RAB3GAP1: variants seen among roughly 807,000 people sequenced by gnomAD.
RAB3GAP1 encodes rab3 GTPase-activating protein catalytic subunit.
A neutral mutation model predicts 130.7 loss-of-function variants in RAB3GAP1; 86 were observed. The observed-to-expected ratio is 0.66, with a 90% confidence interval of 0.55 to 0.79. RAB3GAP1 has a LOEUF of 0.79. RAB3GAP1 is among the 30% of genes least tolerant of loss of function. RAB3GAP1 has a pLI of 0.00. For missense variants in RAB3GAP1, 1,029 were observed against 1,169.4 expected (o/e 0.88, Z 1.75); for synonymous variants, 367 against 401.7 (o/e 0.91, Z 1.03).
chr2:135,080,096 G>A (rs1178753049), intron 3 of RAB3GAP1, among the ~76,000 whole-genome samples: 2 of 126,050 alleles, frequency 1.6e-5, no homozygotes, highest in Admixed American at 1.0e-4. Flanking sequence ...CCGCCTGGGC[G>A]ACAGAACGAG....
intron 3 of RAB3GAP1, among the ~76,000 whole-genome samples, chr2:135,084,076 C>A (rs575403211): frequency 6.6e-6 from 1 of 152,056 alleles, no homozygotes; most frequent in East Asian, 1.9e-4. Context: ...GAAACCCTGT[C>A]TCTACTAAAA....
intron 3 of RAB3GAP1, among the ~76,000 whole-genome samples, chr2:135,081,361 T>TACATACACAC (rs1689812778): frequency 1.4e-5 from 1 of 71,270 alleles, no homozygotes; most frequent in Non-Finnish European, 2.3e-5. Flanking sequence ...TATATATATA[T>TACATACACAC]ACACACACGT....
chr2:135,106,768 T>TAAAAAAAAAAAAA (rs1690637700), intron 5 of RAB3GAP1, among the ~76,000 whole-genome samples: 1 of 61,474 alleles, frequency 1.6e-5, no homozygotes, highest in African/African-American at 6.8e-5. Flanking sequence ...AAAAAAAAAA[T>TAAAAAAAAAAAAA]AAAAAAATAA....
chr2:135,115,957 A>T (rs1415442178), intron 7 of RAB3GAP1, among the ~76,000 whole-genome samples: 1 of 152,110 alleles, frequency 6.6e-6, no homozygotes, highest in East Asian at 1.9e-4. Context: ...GTTGGGGGGA[A>T]TGGGGCTGAT....
In RAB3GAP1 at chr2:135,133,745, A is replaced by G. The variant is rs1255128862; in HGVS notation, c.1327-116A>G. On this transcript the variant is annotated intron_variant, in intron 14 of 23. Coordinates refer to ENST00000264158, the MANE Select transcript of RAB3GAP1 (RefSeq NM_012233.3). ...GTGTATTAGACATTTGATAATGCCT[A>G]GTTTAGGTGGGATAGGTTAATTTTA... 4.8e-6 allele frequency: 4 copies of G among 825,844 alleles called. No individual in the cohort carries two copies. The Admixed American group carries it at 6.0e-5, about 12-fold the overall frequency. The allele number at this position is 825,844 out of a possible 1,614,324, so 51.2% of individuals were successfully genotyped here.
At chr2:135,074,819 T>G (rs570521369) in intron 3 of RAB3GAP1, among the ~76,000 whole-genome samples, 1 of 152,302 alleles carries the variant, frequency 6.6e-6, no homozygotes, top group East Asian at 1.9e-4. Flanking sequence ...GATACGATAC[T>G]GGCAGCACAG....
At chr2:135,070,587 A>C (rs1322293585) in intron 3 of RAB3GAP1, among the ~76,000 whole-genome samples, 1 of 152,134 alleles carries the variant, frequency 6.6e-6, no homozygotes, top group Non-Finnish European at 1.5e-5. Flanking sequence ...GGCTCACTGC[A>C]ACCTCTGCCT....
At chr2:135,123,017 C>T (rs1418512460) in intron 8 of RAB3GAP1, among the ~76,000 whole-genome samples, 2 of 152,156 alleles carry the variant, frequency 1.3e-5, no homozygotes, top group African/African-American at 2.4e-5. Context: ...GTTTGAGCCA[C>T]CGTGCCCAGC....
At chr2:135,113,864 C>T (rs57834909) in intron 6 of RAB3GAP1, among the ~76,000 whole-genome samples, 6,878 of 152,096 alleles carry the variant, frequency 0.045, 534 homozygotes, top group African/African-American at 0.16. Context: ...CTCAGCCTCC[C>T]GAGTATCTGG....
At chr2:135,059,625 G>A (rs1257973344) in intron 3 of RAB3GAP1, among the ~76,000 whole-genome samples, 1 of 152,006 alleles carries the variant, frequency 6.6e-6, no homozygotes, top group Admixed American at 6.6e-5. Context: ...TTTATGCTAA[G>A]AACATGCAAG....
chr2:135,077,288 A>T (rs573016428), intron 3 of RAB3GAP1, among the ~76,000 whole-genome samples: 1 of 152,132 alleles, frequency 6.6e-6, no homozygotes. Flanking sequence ...CAACAACAAC[A>T]ACAACAACAA....
intron 2 of RAB3GAP1, among the ~76,000 whole-genome samples, chr2:135,057,549 C>G (rs1243745093): frequency 6.6e-6 from 1 of 152,170 alleles, no homozygotes; most frequent in Non-Finnish European, 1.5e-5. Context: ...TGTGTGCCAC[C>G]ACACCGGGCT....
intron 7 of RAB3GAP1, among the ~76,000 whole-genome samples, chr2:135,117,483 GCTTCTTCTTCTGCTTCTT>G (rs1188634745): frequency 1.4e-4 from 4 of 27,868 alleles, no homozygotes; most frequent in East Asian, 9.7e-4. Context: ...TGCTTCTTCT[GCTTCTTCTTCTGCTTCTT>G]CTTCTTCTTC....
intron 5 of RAB3GAP1, among the ~76,000 whole-genome samples, chr2:135,104,655 C>G (rs1332151160): frequency 6.6e-6 from 1 of 151,642 alleles, no homozygotes. Flanking sequence ...GAGTTCAAGA[C>G]CAGCCTGGAC....
Position 135,093,712 on chromosome 2 carries a change from C to G in RAB3GAP1, c.362+19C>G. Reference sequence around the variant, plus strand: ...TAAGATGGTAGGTATATCTTTTACTCAGTATCTTTTAGTATGTGTGTTGCG... The same window carrying G: ...TAAGATGGTAGGTATATCTTTTACTGAGTATCTTTTAGTATGTGTGTTGCG... On this transcript the variant is annotated intron_variant, in intron 5 of 23. Transcript: ENST00000264158. The G allele has an allele frequency of 6.3e-7, 1 of 1,576,232 alleles. No individual in the cohort carries two copies. Among genetic ancestry groups the G allele is most frequent in the East Asian group, 2.2e-5 (1 of 44,704 alleles).
At chr2:135,144,681 T>C (rs1242914483) in intron 17 of RAB3GAP1, among the ~76,000 whole-genome samples, 1 of 152,290 alleles carries the variant, frequency 6.6e-6, no homozygotes, top group East Asian at 1.9e-4. Flanking sequence ...TTGCTGCCAC[T>C]GTCAGTAGCA....
chr2:135,164,621 T>C lies in RAB3GAP1; in HGVS notation c.2634T>C (p.Pro878=). ...ERFVSCLLEQ[P]EVLVTGAGRG... Reference sequence around the variant, plus strand: ...TTGTGAGTTGCCTGCTGGAGCAGCCTGAAGTGTTAGTCACCGGTGCAGGAA... The same window carrying C: ...TTGTGAGTTGCCTGCTGGAGCAGCCCGAAGTGTTAGTCACCGGTGCAGGAA... The change falls in exon 23 of 24, where the codon CCT becomes CCC. Residue 878 remains proline (P), a synonymous_variant. Transcript: ENST00000264158. 1 of 1,613,262 alleles carries C rather than the reference T, an allele frequency of 6.2e-7. No individual in the cohort carries two copies.
At chr2:135,152,369 A>G (rs1325438518) in intron 18 of RAB3GAP1, among the ~76,000 whole-genome samples, 2 of 152,264 alleles carry the variant, frequency 1.3e-5, no homozygotes, top group Non-Finnish European at 2.9e-5. Flanking sequence ...AGCCTAGTAT[A>G]GTAAGGACAA....
intron 4 of RAB3GAP1, among the ~76,000 whole-genome samples, 167 bp downstream of exon 4, chr2:135,091,297 C>T (rs1387614010): frequency 2.0e-5 from 3 of 152,084 alleles, no homozygotes; most frequent in Non-Finnish European, 4.4e-5. Context: ...CATTGTCATT[C>T]ATTTTTTAAT....
Sources: gnomAD v4.1 joint callset for allele counts (sites outside exome capture counted in the v4.1 genomes callset) on GRCh38, gnomAD v4.1.1 for gene constraint, MANE v1.5 for transcripts, NCBI Gene and HGNC (gene_info 2026-07-23, HGNC 2026-07-21) for gene names.